AKR1C4: variants seen among roughly 807,000 people sequenced by gnomAD.
The protein encoded by AKR1C4 is aldo-keto reductase family 1 member C4.
A neutral mutation model predicts 41.0 loss-of-function variants in AKR1C4; 44 were observed. The ratio of observed to expected loss-of-function variants is 1.07; its 90% CI spans 0.84 to 1.38. The LOEUF is 1.38. AKR1C4 is among the 40% of genes most tolerant of loss of function. The pLI is 0.00. For synonymous variants in AKR1C4, 165 were observed against 137.7 expected (o/e 1.20, Z -1.39); for missense variants, 438 against 387.9 (o/e 1.13, Z -1.09).
intron 5 of AKR1C4, among the ~76,000 whole-genome samples, chr10:5,206,755 A>G (rs1832494570): frequency 1.6e-5 from 2 of 123,458 alleles, no homozygotes; most frequent in East Asian, 2.0e-4. Context: ...TAGAATGTAT[A>G]TAATTATAGA....
chr10:5,201,115 G>A (rs1324873883), intron 2 of AKR1C4, among the ~76,000 whole-genome samples: 2 of 151,840 alleles, frequency 1.3e-5, no homozygotes, highest in Non-Finnish European at 2.9e-5. Flanking sequence ...TTTCTTTTTG[G>A]TAGATACCAG....
chr10:5,206,767 G>A (rs1322756845), intron 5 of AKR1C4, among the ~76,000 whole-genome samples: 1 of 123,242 alleles, frequency 8.1e-6, no homozygotes, highest in Non-Finnish European at 1.7e-5. Context: ...AATTATAGAG[G>A]CCATAAAAAC....
chr10:5,202,515 A>C (rs1554797017), intron 2 of AKR1C4: 1 of 454,880 alleles, frequency 2.2e-6, no homozygotes, highest in Non-Finnish European at 4.4e-6. Context: ...TTGCCTGATT[A>C]CTCTGGCTAG....
intron 3 of AKR1C4, 49 bp downstream of exon 3, chr10:5,204,542 CCTTT>C: frequency 1.2e-5 from 16 of 1,350,072 alleles, no homozygotes; most frequent in Non-Finnish European, 1.5e-5. Flanking sequence ...GCATGACCAT[CCTTT>C]ATGATGGTTG....
chr10:5,206,994 G>T (rs1466200008), intron 5 of AKR1C4, among the ~76,000 whole-genome samples: 2 of 152,142 alleles, frequency 1.3e-5, no homozygotes, highest in African/African-American at 4.8e-5. Flanking sequence ...AAGCTGAAAG[G>T]ATGTGGCGTG....
intron 5 of AKR1C4, among the ~76,000 whole-genome samples, chr10:5,210,424 T>C (rs1158358119): frequency 6.6e-6 from 1 of 152,180 alleles, no homozygotes; most frequent in Non-Finnish European, 1.5e-5. Context: ...GTGGCCCTTT[T>C]CTCAGAGCTC....
intron 8 of AKR1C4, 58 bp from the exon 9 acceptor site, chr10:5,218,659 AC>A: frequency 7.2e-7 from 1 of 1,389,336 alleles, no homozygotes; most frequent in Non-Finnish European, 1.0e-6. Flanking sequence ...TCACTTTGCT[AC>A]CAGCTTTTTA....
At chr10:5,200,156 ATAC>A (rs1312303631) in intron 1 of AKR1C4, 22 bp from the exon 2 acceptor site, 2 of 1,601,590 alleles carry the variant, frequency 1.2e-6, no homozygotes, top group Non-Finnish European at 1.7e-6. Flanking sequence ...TGATCACCAA[ATAC>A]TACCTTTCGT....
chr10:5,214,036 A>G (rs140478878), intron 7 of AKR1C4, among the ~76,000 whole-genome samples: 4 of 151,810 alleles, frequency 2.6e-5, no homozygotes, highest in Non-Finnish European at 5.9e-5. Context: ...ATAGTAAAAT[A>G]TTATGTAGTA....
Position 5,212,499 on chromosome 10 carries a change from C to A in AKR1C4, c.571-117C>A, listed in dbSNP as rs1266305199. 1.4e-5 allele frequency: 13 copies of A among 928,574 alleles called. No individual in the cohort carries two copies. In the Admixed American group the frequency reaches 1.8e-4, roughly 13 times the overall value. 57.5% of individuals were successfully genotyped at this position (928,574 alleles called of 1,614,324 possible). On this transcript the variant is annotated intron_variant, in intron 5 of 8. Coordinates refer to ENST00000263126, the MANE Select transcript of AKR1C4 (RefSeq NM_001818.5). ...CTGTATTTTTATAAAATGATTGTTA[C>A]TTGACAGTAATATTCTGTTCAAATT...
rs143613804 is a variant in AKR1C4 at position 5,200,727 on chromosome 10, T to A, written c.252+379T>A. Among the ~76,000 whole-genome samples the A allele has an allele frequency of 9.4e-3, 1,429 of 152,330 alleles. 12 individuals are homozygous for A. Among genetic ancestry groups the A allele is most frequent in the Non-Finnish European group, 0.015 (1,006 of 68,024 alleles). ...GTCAGGCGATCACTGGACATCGTACTCACTATGTAGGCTTTTATCCCTCAC... is the reference window on the plus strand; with the variant it reads ...GTCAGGCGATCACTGGACATCGTACACACTATGTAGGCTTTTATCCCTCAC... On this transcript the variant is annotated intron_variant, in intron 2 of 8. Coordinates refer to ENST00000263126, the MANE Select transcript of AKR1C4 (RefSeq NM_001818.5).
At position 5,206,371 on chromosome 10, in the gene AKR1C4, C is replaced by G. The variant is rs146088459; in HGVS notation, c.544C>G (p.Leu182Val). 1.1e-4 allele frequency: 178 copies of G among 1,614,068 alleles called. No individual in the cohort carries two copies. In the African/African-American group the frequency reaches 2.3e-3, roughly 21 times the overall value. Residue 182 changes from leucine to valine, a missense_variant, in exon 5 of 9, where the codon CTC becomes GTC. Coordinates refer to ENST00000263126, the MANE Select transcript of AKR1C4 (RefSeq NM_001818.5). ...GGAGATGATCCTCAACAAGCCAGGACTCAAGTACAAGCCTGTCTGCAACCA... is the reference window on the plus strand; with the variant it reads ...GGAGATGATCCTCAACAAGCCAGGAGTCAAGTACAAGCCTGTCTGCAACCA... ...QLEMILNKPG[L>V]KYKPVCNQVE... is the part of the protein sequence containing the mutation.
At chr10:5,212,865 A>C in intron 6 of AKR1C4, 129 bp from the exon 7 acceptor site, 3 of 1,395,488 alleles carry the variant, frequency 2.1e-6, no homozygotes, top group Non-Finnish European at 2.0e-6. Context: ...ATACCAGGTG[A>C]TGCTGCTGCT....
At chr10:5,211,284 G>A (rs190100370) in intron 5 of AKR1C4, among the ~76,000 whole-genome samples, 5 of 152,300 alleles carry the variant, frequency 3.3e-5, no homozygotes, top group Admixed American at 2.0e-4. Flanking sequence ...CTCAGAAAAT[G>A]GGTTTTTAAT....
intron 2 of AKR1C4, among the ~76,000 whole-genome samples, chr10:5,203,342 G>A (rs955952807): frequency 2.6e-5 from 4 of 152,178 alleles, no homozygotes; most frequent in Admixed American, 1.3e-4. Context: ...GGCTGACTTT[G>A]CTGATGTCCC....
chr10:5,218,518 A>G (rs1240021010), intron 8 of AKR1C4, among the ~76,000 whole-genome samples, 200 bp from the exon 9 acceptor site: 2 of 145,374 alleles, frequency 1.4e-5, no homozygotes, highest in Non-Finnish European at 3.0e-5. Context: ...GCAAGGGAAT[A>G]TAAGTTGAAA....
intron 1 of AKR1C4, among the ~76,000 whole-genome samples, chr10:5,197,785 G>C (rs914512630): frequency 2.0e-5 from 3 of 152,186 alleles, no homozygotes; most frequent in African/African-American, 7.2e-5. Flanking sequence ...AATTTACAGA[G>C]AAACACCTTG....
rs534200853 is a variant in AKR1C4, at chr10:5,218,189, T to C, written c.930-529T>C. Among the ~76,000 whole-genome samples, 8 of 152,316 alleles carry C rather than the reference T, an allele frequency of 5.3e-5. No homozygotes were observed. In the South Asian group the frequency reaches 1.2e-3, roughly 24 times the overall value. ...TTAGCATATTGTAGGGTTTTGAATATGGAACCCCATATCACATATGACAAT... is the reference window on the plus strand; with the variant it reads ...TTAGCATATTGTAGGGTTTTGAATACGGAACCCCATATCACATATGACAAT... On this transcript the variant is annotated intron_variant, in intron 8 of 8. Coordinates refer to ENST00000263126, the MANE Select transcript of AKR1C4 (RefSeq NM_001818.5).
chr10:5,197,056 T>C, intron 1 of AKR1C4, 105 bp downstream of exon 1: 1 of 1,104,204 alleles, frequency 9.1e-7, no homozygotes, highest in Non-Finnish European at 1.4e-6. Flanking sequence ...CCTGAGTGAC[T>C]CACGTGGTCT....
Sources: allele counts gnomAD v4.1 joint callset (sites outside exome capture counted in the v4.1 genomes callset), GRCh38; gene constraint gnomAD v4.1.1; transcripts MANE v1.5; gene names NCBI Gene and HGNC (gene_info 2026-07-23, HGNC 2026-07-21).